Variants in UBE2V2 observed in about 807,000 individuals in gnomAD.
The protein encoded by UBE2V2 is ubiquitin conjugating enzyme E2 V2.
A neutral mutation model predicts 17.2 loss-of-function variants in UBE2V2; 9 were observed. The observed-to-expected ratio is 0.52, with a 90% CI of 0.32 to 0.91. The LOEUF (loss-of-function observed/expected upper bound fraction) is 0.91. UBE2V2 is among the 40% of genes least tolerant of loss of function. UBE2V2 has a pLI of 0.04. For missense variants in UBE2V2, 133 were observed against 182.6 expected (o/e 0.73, Z 1.56); for synonymous variants, 61 against 57.5 (o/e 1.06, Z -0.28).
In UBE2V2 at chr8:48,043,185, A is replaced by G; in HGVS notation, c.165+4A>G. 3 of 1,462,684 alleles carry G rather than the reference A, an allele frequency of 2.1e-6. No individual in the cohort carries two copies. The highest frequency in any genetic ancestry group is 2.7e-6 in the Non-Finnish European group (3 of 1,102,734). The allele number at this position is 1,462,684 out of a possible 1,614,324, so 90.6% of individuals were successfully genotyped here. ...CATGATTATTGGGCCACCAAGGGTC[A>G]GTGTTATAAATTATATTTTTTCTAT... On this transcript the variant is annotated splice_donor_region_variant and intron_variant, in intron 2 of 3. Coordinates refer to ENST00000523111, the MANE Select transcript of UBE2V2 (RefSeq NM_003350.3).
At chr8:48,021,304 CTTTTT>C (rs1169402032) in intron 1 of UBE2V2, among the ~76,000 whole-genome samples, 3 of 125,988 alleles carry the variant, frequency 2.4e-5, no homozygotes, top group East Asian at 2.2e-4. Context: ...GTCTCGAACC[CTTTTT>C]TTTTTTTTTT....
At chr8:48,043,639 AG>A (rs2091478884) in intron 2 of UBE2V2, 1 of 152,384 alleles carries the variant, frequency 6.6e-6, no homozygotes, top group African/African-American at 2.4e-5. Flanking sequence ...GAGGAAATGG[AG>A]GGGGTATGTG....
intron 1 of UBE2V2, among the ~76,000 whole-genome samples, chr8:48,025,524 C>T (rs779375054): frequency 4.0e-5 from 6 of 148,542 alleles, no homozygotes; most frequent in African/African-American, 9.9e-5. Flanking sequence ...GTAATCTGCC[C>T]GCCTTGGCCT....
At chr8:48,049,536 C>T in intron 2 of UBE2V2, 3 of 189,842 alleles carry the variant, frequency 1.6e-5, no homozygotes, top group Non-Finnish European at 3.2e-5. Context: ...TTCGTTTTTC[C>T]TTCTTCGTTC....
intron 1 of UBE2V2, among the ~76,000 whole-genome samples, chr8:48,032,066 A>G (rs2091387303): frequency 6.6e-6 from 1 of 152,160 alleles, no homozygotes; most frequent in South Asian, 2.1e-4. Context: ...TTATGGTATC[A>G]TGTAGTTGGT....
Position 48,064,573 on chromosome 8 carries a change from A to G in UBE2V2, c.*3745A>G, listed in dbSNP as rs1802635494. ...CTGAAAATGTTGTTTATTTAAAAGT[A>G]TTGTGGAGTGTTGAAAATAAAGATA... On this transcript the variant is annotated 3_prime_UTR_variant, in exon 4 of 4. Transcript: ENST00000523111. 1 of 152,202 alleles carries G rather than the reference A, an allele frequency of 6.6e-6. No homozygotes were observed. The highest frequency in any genetic ancestry group is 1.5e-5 in the Non-Finnish European group (1 of 68,030). The allele number at this position is 152,202 out of a possible 1,614,324, so 9.4% of individuals were successfully genotyped here.
chr8:48,041,211 G>A (rs1433600216), intron 1 of UBE2V2, among the ~76,000 whole-genome samples: 3 of 131,038 alleles, frequency 2.3e-5, no homozygotes, highest in Non-Finnish European at 4.8e-5. Context: ...TCGCTCTGTC[G>A]TCTAGGCTGG....
intron 1 of UBE2V2, chr8:48,035,107 C>CTTG (rs2091412997): frequency 4.7e-6 from 4 of 855,622 alleles, no homozygotes; most frequent in South Asian, 5.7e-5. Flanking sequence ...CCTATTTATT[C>CTTG]TTTTTTTTTT....
chr8:48,045,331 T>C (rs1028101672), intron 2 of UBE2V2, among the ~76,000 whole-genome samples: 3 of 152,210 alleles, frequency 2.0e-5, no homozygotes, highest in African/African-American at 7.2e-5. Context: ...ATTTTTATGC[T>C]AAATTTGATG....
the UBE2V2 span, among the ~76,000 whole-genome samples, chr8:48,002,729 CAGTT>C: frequency 3.3e-5 from 5 of 152,156 alleles, no homozygotes; most frequent in East Asian, 1.9e-4. Context: ...TACAAAATGT[CAGTT>C]AGATAGGAGG....
chr8:48,037,352 A>T (rs1401679967), intron 1 of UBE2V2, among the ~76,000 whole-genome samples: 2 of 152,150 alleles, frequency 1.3e-5, no homozygotes, highest in Non-Finnish European at 2.9e-5. Context: ...AAGTGATAGG[A>T]TTTCTCCTTT....
At chr8:48,025,179 T>C (rs1211542794) in intron 1 of UBE2V2, among the ~76,000 whole-genome samples, 1 of 152,068 alleles carries the variant, frequency 6.6e-6, no homozygotes, top group Non-Finnish European at 1.5e-5. Context: ...CCTCATGATC[T>C]GCCTGCCTCG....
At chr8:48,014,077 A>G (rs1290985679) in intron 1 of UBE2V2, among the ~76,000 whole-genome samples, 1 of 152,178 alleles carries the variant, frequency 6.6e-6, no homozygotes. Flanking sequence ...GAAGAGCTGA[A>G]CTATGGTAGT....
chr8:48,061,788 AT>A lies in UBE2V2; in HGVS notation c.*963del, dbSNP rs1308181552. Reference sequence around the variant, plus strand: ...TCCTAGGTATTATATTTTGAGTTTGATTTCACCAGAAATAATAATATTAAAA... The same window carrying A: ...TCCTAGGTATTATATTTTGAGTTTGATTCACCAGAAATAATAATATTAAAA... On this transcript the variant is annotated 3_prime_UTR_variant, in exon 4 of 4. Coordinates refer to ENST00000523111, the MANE Select transcript of UBE2V2 (RefSeq NM_003350.3). 2 of 152,140 alleles carry A rather than the reference AT, an allele frequency of 1.3e-5. No homozygotes were observed. Among genetic ancestry groups the A allele is most frequent in the East Asian group, 3.8e-4 (2 of 5,202 alleles). The allele number at this position is 152,140 out of a possible 1,614,324, so 9.4% of individuals were successfully genotyped here.
the UBE2V2 span, among the ~76,000 whole-genome samples, chr8:47,997,819 C>T: frequency 3.3e-5 from 5 of 151,652 alleles, no homozygotes; most frequent in Middle Eastern, 3.4e-3. Flanking sequence ...GAGGTAGAGC[C>T]GGAGTGGAGG....
intron 2 of UBE2V2, among the ~76,000 whole-genome samples, chr8:48,044,143 C>CTGATGATGA (rs549316347): frequency 6.6e-6 from 1 of 151,234 alleles, no homozygotes; most frequent in South Asian, 2.1e-4. Context: ...AGAGTTCCTC[C>CTGATGATGA]TGATGATGAT....
chr8:48,008,337 G>T (rs964469175), upstream of UBE2V2: 1 of 1,343,596 alleles, frequency 7.4e-7, no homozygotes, highest in Non-Finnish European at 9.6e-7. Flanking sequence ...CCCTCGGGTC[G>T]CCCCGCGCCC....
At chr8:48,017,729 A>G (rs1000967323) in intron 1 of UBE2V2, among the ~76,000 whole-genome samples, 2 of 152,028 alleles carry the variant, frequency 1.3e-5, no homozygotes, top group Non-Finnish European at 2.9e-5. Context: ...TATGTGATCC[A>G]AATTGTCTGT....
chr8:48,008,527 G>A (rs2091202400), intron 1 of UBE2V2, 57 bp downstream of exon 1: 1 of 1,530,962 alleles, frequency 6.5e-7, no homozygotes, highest in Non-Finnish European at 8.7e-7. Flanking sequence ...CTGCCCCTCC[G>A]TCTGCTGCTG....
Sources: gnomAD v4.1 joint callset for allele counts (sites outside exome capture counted in the v4.1 genomes callset) on GRCh38, gnomAD v4.1.1 for gene constraint, MANE v1.5 for transcripts, NCBI Gene and HGNC (gene_info 2026-07-23, HGNC 2026-07-21) for gene names.